Variants in VWA3B observed in about 807,000 individuals in gnomAD.
The protein encoded by VWA3B is von Willebrand factor A domain-containing protein 3B.
In VWA3B, 138 loss-of-function variants were observed where a neutral mutation model predicts 158.3. That is an observed-to-expected ratio of 0.87 (90% CI 0.76 to 1.00). VWA3B has a LOEUF of 1.00. Among genes scored for constraint, VWA3B ranks in the 50% least tolerant of loss-of-function variants. The pLI, the probability that VWA3B is intolerant of heterozygous loss-of-function variation, is 0.00. For missense variants in VWA3B, 1,555 were observed against 1,565.1 expected (o/e 0.99, Z 0.11); for synonymous variants, 596 against 587.3 (o/e 1.01, Z -0.21).
chr2:98,310,375 C>T (rs371060467), intron 26 of VWA3B, among the ~76,000 whole-genome samples: 3 of 152,306 alleles, frequency 2.0e-5, no homozygotes, highest in African/African-American at 7.2e-5. Flanking sequence ...AGCACAGCGC[C>T]AGAGTCCTCC....
rs1165741804 is a variant in VWA3B at position 98,228,142 on chromosome 2, G to T, written c.2020-60G>T. ...TTGTCTCTAAAAAGAAAAGAAACAT[G>T]TTTGGAATTTGAGCTCTTTTTATCT... is the stretch of plus-strand genomic sequence containing the variant. On this transcript the variant is annotated intron_variant, in intron 14 of 27. Transcript: ENST00000477737. The T allele has an allele frequency of 1.1e-5, 17 of 1,514,924 alleles. No individual in the cohort carries two copies. In the East Asian group the frequency reaches 3.5e-4, roughly 31 times the overall value. The allele number at this position is 1,514,924 out of a possible 1,614,324, so 93.8% of individuals were successfully genotyped here.
chr2:98,241,398 G>T (rs1349225752), intron 19 of VWA3B, among the ~76,000 whole-genome samples: 1 of 151,928 alleles, frequency 6.6e-6, no homozygotes, highest in Non-Finnish European at 1.5e-5. Context: ...GTTTGAGCTG[G>T]CACACAGAGA....
chr2:98,313,193 C>A lies in VWA3B; in HGVS notation c.*844C>A, dbSNP rs898304870. 2 of 151,718 alleles carry A rather than the reference C, an allele frequency of 1.3e-5. No homozygotes were observed. Among genetic ancestry groups the A allele is most frequent in the African/African-American group, 4.8e-5 (2 of 41,262 alleles). The allele number at this position is 151,718 out of a possible 1,614,324, so 9.4% of individuals were successfully genotyped here. On this transcript the variant is annotated 3_prime_UTR_variant, in exon 28 of 28. Coordinates refer to ENST00000477737, the MANE Select transcript of VWA3B (RefSeq NM_144992.5). ...TTCTGATACTCTAAAAATTTACAAT[C>A]TAATTAAAAGTGGCATTCACATTCC...
chr2:98,321,075 G>A, the VWA3B span, among the ~76,000 whole-genome samples: 2 of 152,214 alleles, frequency 1.3e-5, no homozygotes, highest in Non-Finnish European at 2.9e-5. Flanking sequence ...TCAGCCATGA[G>A]GTCAGTGTAC....
At chr2:98,320,854 G>A in the VWA3B span, among the ~76,000 whole-genome samples, 2 of 152,226 alleles carry the variant, frequency 1.3e-5, no homozygotes, top group Non-Finnish European at 2.9e-5. Flanking sequence ...GCCAACTGCA[G>A]AAATATGCAT....
At chr2:98,215,126 G>A (rs1190361851) in intron 13 of VWA3B, among the ~76,000 whole-genome samples, 3 of 152,148 alleles carry the variant, frequency 2.0e-5, no homozygotes, top group African/African-American at 7.2e-5. Flanking sequence ...ACTCAAAGAT[G>A]GAGAATCAAG....
chr2:98,294,563 C>T (rs1689692273), intron 23 of VWA3B, among the ~76,000 whole-genome samples: 1 of 152,254 alleles, frequency 6.6e-6, no homozygotes. Context: ...GATAGCCTGG[C>T]TTATCTGGAT....
intron 1 of VWA3B, among the ~76,000 whole-genome samples, chr2:98,091,930 A>G (rs947917609): frequency 1.3e-5 from 2 of 152,212 alleles, no homozygotes; most frequent in Non-Finnish European, 2.9e-5. Flanking sequence ...TTAAGATTGC[A>G]TTATAGTTTG....
chr2:98,110,653 G>A (rs888730799), intron 2 of VWA3B, among the ~76,000 whole-genome samples: 2 of 152,124 alleles, frequency 1.3e-5, no homozygotes, highest in African/African-American at 4.8e-5. Flanking sequence ...ATTGTGCAGT[G>A]GTGAAGTATG....
At chr2:98,092,660 AAAC>A (rs1374587981) in intron 1 of VWA3B, among the ~76,000 whole-genome samples, 33 of 151,748 alleles carry the variant, frequency 2.2e-4, no homozygotes, top group African/African-American at 6.3e-4. Flanking sequence ...AATGAACAAA[AAAC>A]AACAACAACA....
chr2:98,312,100 T>C (rs192776188), intron 27 of VWA3B, 68 bp downstream of exon 27: 3 of 1,610,212 alleles, frequency 1.9e-6, no homozygotes, highest in African/African-American at 1.3e-5. Context: ...CTTTCAAGAA[T>C]AGTACACCTA....
intron 7 of VWA3B, among the ~76,000 whole-genome samples, chr2:98,157,949 A>G (rs147178369): frequency 2.4e-4 from 36 of 152,302 alleles, no homozygotes; most frequent in East Asian, 1.4e-3. Flanking sequence ...TGTCCTGGAA[A>G]CGATAGTACT....
At chr2:98,108,445 A>G (rs749117088) in intron 2 of VWA3B, among the ~76,000 whole-genome samples, 1 of 152,188 alleles carries the variant, frequency 6.6e-6, no homozygotes, top group Non-Finnish European at 1.5e-5. Flanking sequence ...AGAAAGCAGT[A>G]TTGAAGTTTC....
chr2:98,211,949 C>T lies in VWA3B; in HGVS notation c.1757C>T (p.Thr586Ile). 1 of 1,614,102 alleles carries T rather than the reference C, an allele frequency of 6.2e-7. No individual in the cohort carries two copies. Residue 586 changes from threonine to isoleucine, a missense_variant, in exon 13 of 28, where the codon ACC (threonine) becomes ATC (isoleucine). Coordinates refer to ENST00000477737, the MANE Select transcript of VWA3B (RefSeq NM_144992.5). ...CCGTAGATTGGAAGCTCCACAAACA[C>T]CCTGAGTGCCCTGAAAACTGCTTTT... ...RDIKIGSSTN[T>I]LSALKTAFAD...
At chr2:98,234,430 T>A (rs74512223) in intron 16 of VWA3B, among the ~76,000 whole-genome samples, 1,609 of 152,006 alleles carry the variant, frequency 0.011, 23 homozygotes, top group African/African-American at 0.033. Flanking sequence ...CCTGAATGAG[T>A]GTGGAAGCTG....
At chr2:98,172,067 G>A (rs1263920467) in intron 8 of VWA3B, among the ~76,000 whole-genome samples, 2 of 152,216 alleles carry the variant, frequency 1.3e-5, no homozygotes, top group Non-Finnish European at 2.9e-5. Context: ...TGCTCTTTTA[G>A]TTTGCTATCT....
chr2:98,249,411 A>G (rs1016924067), intron 19 of VWA3B, among the ~76,000 whole-genome samples: 6 of 152,204 alleles, frequency 3.9e-5, no homozygotes, highest in African/African-American at 1.4e-4. Flanking sequence ...ATTTGGAAAA[A>G]AAGATTGAAG....
chr2:98,301,939 A>G (rs1015651693), intron 25 of VWA3B, among the ~76,000 whole-genome samples: 1 of 152,074 alleles, frequency 6.6e-6, no homozygotes, highest in African/African-American at 2.4e-5. Flanking sequence ...ATATTTCTGT[A>G]TGTAATTTTT....
At chr2:98,235,760 G>A (rs1450347713) in intron 17 of VWA3B, among the ~76,000 whole-genome samples, 1 of 152,140 alleles carries the variant, frequency 6.6e-6, no homozygotes, top group African/African-American at 2.4e-5. Context: ...TTGTCTACAT[G>A]CACATTCCTT....
Sources: allele counts gnomAD v4.1 joint callset (sites outside exome capture counted in the v4.1 genomes callset), GRCh38; gene constraint gnomAD v4.1.1; transcripts MANE v1.5; gene names NCBI Gene and HGNC (gene_info 2026-07-23, HGNC 2026-07-21).